The following ADGRL3 variants were observed in gnomAD, a reference collection of about 807,000 sequenced individuals.
The protein encoded by ADGRL3 is adhesion G protein-coupled receptor L3, also known as calcium-independent alpha-latrotoxin receptor 3.
Under a neutral mutation model 153.5 loss-of-function variants are expected in ADGRL3, and 62 were observed. The observed-to-expected ratio is 0.40, with a 90% CI of 0.33 to 0.50. The LOEUF (loss-of-function observed/expected upper bound fraction) is 0.50, where lower values mean the gene tolerates loss of function less well. ADGRL3 is among the 20% of genes least tolerant of loss of function. The probability of loss-of-function intolerance (pLI) is 0.47; values close to 1 mark genes in which losing one functional copy is unlikely to be tolerated. For synonymous variants in ADGRL3, 710 were observed against 672.5 expected (o/e 1.06, Z -0.86); for missense variants, 1,641 against 1,859.4 (o/e 0.88, Z 2.16).
At chr4:61,293,301 C>T (rs1300100911) in intron 1 of ADGRL3, among the ~76,000 whole-genome samples, 5 of 152,056 alleles carry the variant, frequency 3.3e-5, no homozygotes, top group African/African-American at 7.2e-5. Flanking sequence ...ATTACCACAG[C>T]CTATTGATAG....
chr4:61,806,109 A>T (rs1333183339), intron 8 of ADGRL3, among the ~76,000 whole-genome samples: 3 of 152,130 alleles, frequency 2.0e-5, no homozygotes, highest in Admixed American at 2.0e-4. Context: ...GATGTCTAAG[A>T]GATTCTGGTG....
chr4:61,674,190 A>C (rs572947150), intron 5 of ADGRL3, among the ~76,000 whole-genome samples: 1 of 141,230 alleles, frequency 7.1e-6, no homozygotes, highest in Non-Finnish European at 1.6e-5. Context: ...AGATAGATAG[A>C]TAGATGTGTA....
chr4:61,822,603 T>C (rs1423152667), intron 9 of ADGRL3, among the ~76,000 whole-genome samples: 1 of 152,192 alleles, frequency 6.6e-6, no homozygotes, highest in Non-Finnish European at 1.5e-5. Flanking sequence ...TACTTTCCAA[T>C]TATAGGTTTT....
At chr4:61,575,669 G>A (rs1029125071) in intron 4 of ADGRL3, among the ~76,000 whole-genome samples, 1 of 152,012 alleles carries the variant, frequency 6.6e-6, no homozygotes, top group Non-Finnish European at 1.5e-5. Context: ...AATTAATGAA[G>A]TTAATCACTG....
At position 61,468,471 on chromosome 4, in the gene ADGRL3, G is replaced by A. The variant is rs533260080; in HGVS notation, c.-173-28650G>A. Among the ~76,000 whole-genome samples the A allele has an allele frequency of 8.5e-4, 129 of 152,094 alleles. 1 individual carries two copies. Among genetic ancestry groups the A allele is most frequent in the Non-Finnish European group, 2.6e-4 (18 of 68,010 alleles). ...CATTTTTCTCTAAAAGTCTTTTTCT[G>A]AGTGTCCTAAATAGTGTGTAATATA... is the stretch of plus-strand genomic sequence containing the variant. On this transcript the variant is annotated intron_variant, in intron 2 of 26. Transcript: ENST00000683033.
intron 1 of ADGRL3, among the ~76,000 whole-genome samples, chr4:61,228,899 C>T (rs894242882): frequency 6.1e-4 from 93 of 152,186 alleles, no homozygotes; most frequent in African/African-American, 2.2e-3. Context: ...ACCATGTTGA[C>T]CAGGCTGGTT....
chr4:61,496,296 A>G (rs1481297059), intron 2 of ADGRL3, among the ~76,000 whole-genome samples: 1 of 152,200 alleles, frequency 6.6e-6, no homozygotes, highest in Non-Finnish European at 1.5e-5. Context: ...TAGTGAAATT[A>G]TACTGTGGTA....
At chr4:61,844,546 C>CAAAAA (rs71604517) in intron 9 of ADGRL3, among the ~76,000 whole-genome samples, 8 of 17,546 alleles carry the variant, frequency 4.6e-4, no homozygotes, top group African/African-American at 1.9e-3. Flanking sequence ...GACTGCATCT[C>CAAAAA]AAAAAAAAAA....
chr4:61,484,247 C>T (rs2098165269), intron 2 of ADGRL3, among the ~76,000 whole-genome samples: 1 of 152,138 alleles, frequency 6.6e-6, no homozygotes, highest in Admixed American at 6.5e-5. Flanking sequence ...ATCCATTCCA[C>T]TTGTTGGATC....
chr4:61,202,690 G>A lies in ADGRL3; in HGVS notation c.-240+925G>A, dbSNP rs944496309. 2.7e-4 allele frequency among the ~76,000 whole-genome samples: 41 copies of A among 152,262 alleles called. No homozygotes were observed. The highest frequency in any genetic ancestry group is 8.9e-4 in the African/African-American group (37 of 41,576). On this transcript the variant is annotated intron_variant, in intron 1 of 26. Coordinates refer to ENST00000683033, the MANE Select transcript of ADGRL3 (RefSeq NM_001387552.1). The surrounding 1 kb of genome is among the most constrained non-coding windows in gnomAD (Gnocchi z 5.0). The stretch of plus-strand genomic sequence containing the variant: ...TCTGAGCTGCCGCGACCCAGCCTCC[G>A]GTCCCACGTCGGAGCTCAGAAGCTT...
chr4:61,545,651 C>A (rs2098710034), intron 4 of ADGRL3, among the ~76,000 whole-genome samples: 1 of 152,118 alleles, frequency 6.6e-6, no homozygotes, highest in Non-Finnish European at 1.5e-5. Flanking sequence ...GTAGCTGGGA[C>A]TACAGGCGCA....
At chr4:61,630,056 C>T (rs1223586278) in intron 5 of ADGRL3, among the ~76,000 whole-genome samples, 2 of 152,092 alleles carry the variant, frequency 1.3e-5, no homozygotes, top group Admixed American at 1.3e-4. Flanking sequence ...TGCATGCACA[C>T]TTTCTTTAAA....
At chr4:61,389,617 G>A (rs1223597394) in intron 2 of ADGRL3, among the ~76,000 whole-genome samples, 1 of 152,054 alleles carries the variant, frequency 6.6e-6, no homozygotes, top group Non-Finnish European at 1.5e-5. Flanking sequence ...TTAAAAAGAA[G>A]TTTTGGTTTG....
intron 9 of ADGRL3, among the ~76,000 whole-genome samples, chr4:61,856,950 C>CTCTCTTTCTT (rs1554048271): frequency 1.8e-5 from 1 of 56,970 alleles, no homozygotes; most frequent in African/African-American, 6.6e-5. Context: ...CTTTCTTCTT[C>CTCTCTTTCTT]TCTTTCTTTC....
At chr4:61,232,497 CAG>C (rs1751117080) in intron 1 of ADGRL3, among the ~76,000 whole-genome samples, 1 of 151,944 alleles carries the variant, frequency 6.6e-6, no homozygotes, top group African/African-American at 2.4e-5. Context: ...TTAGTAGAGA[CAG>C]GGTTTCACCA....
At chr4:61,675,295 C>G (rs75202566) in intron 5 of ADGRL3, among the ~76,000 whole-genome samples, 2 of 151,794 alleles carry the variant, frequency 1.3e-5, no homozygotes, top group Non-Finnish European at 2.9e-5. Context: ...ACAGAAGAAT[C>G]TAGCCCTGAG....
chr4:61,764,830 C>T (rs561405615), intron 8 of ADGRL3, among the ~76,000 whole-genome samples: 14 of 151,498 alleles, frequency 9.2e-5, no homozygotes, highest in Middle Eastern at 3.4e-3. Flanking sequence ...GGATTAGGGG[C>T]GGCGTGGGAA....
chr4:61,695,693 G>A (rs1181500940), intron 6 of ADGRL3, among the ~76,000 whole-genome samples: 1 of 152,104 alleles, frequency 6.6e-6, no homozygotes, highest in Non-Finnish European at 1.5e-5. Context: ...CTCCTCTTTA[G>A]CTAGAAATGT....
intron 2 of ADGRL3, among the ~76,000 whole-genome samples, chr4:61,404,135 G>A (rs779031873): frequency 4.6e-5 from 7 of 151,994 alleles, no homozygotes; most frequent in Admixed American, 1.3e-4. Flanking sequence ...GCAGCATGGT[G>A]TTTACAGTCC....
Sources: gnomAD v4.1 joint callset for allele counts (sites outside exome capture counted in the v4.1 genomes callset) on GRCh38, gnomAD v4.1.1 for gene constraint, Gnocchi (gnomAD v3.1) non-coding constraint, MANE v1.5 for transcripts, NCBI Gene and HGNC (gene_info 2026-07-23, HGNC 2026-07-21) for gene names.